The following ALG9 variants were observed in gnomAD, a reference collection of about 807,000 sequenced individuals.
ALG9 encodes the protein ALG9 alpha-1,2-mannosyltransferase, also known as alpha-1,2-mannosyltransferase ALG9.
Under a neutral mutation model 81.8 loss-of-function variants are expected in ALG9, and 55 were observed. That is an observed-to-expected ratio of 0.67 (90% confidence interval 0.54 to 0.84). ALG9 has a LOEUF of 0.84. Ranked by LOEUF, ALG9 falls within the 40% of genes least tolerant of loss-of-function variation. The pLI, the probability that ALG9 is intolerant of heterozygous loss-of-function variation, is 0.00. For missense variants in ALG9, 629 were observed against 745.0 expected, an observed-to-expected ratio of 0.84 and a Z score of 1.81; for synonymous variants, 278 against 274.3, an observed-to-expected ratio of 1.01 and a Z score of -0.13.
At chr11:111,827,129 T>G (rs1269120962) in intron 13 of ALG9, among the ~76,000 whole-genome samples, 1 of 152,236 alleles carries the variant, frequency 6.6e-6, no homozygotes, top group Admixed American at 6.5e-5. Context: ...TTTCTTTCAA[T>G]TCCTTCTTTT....
chr11:111,865,272 G>C, intron 3 of ALG9, 21 bp from the exon 4 acceptor site: 7 of 1,539,404 alleles, frequency 4.5e-6, no homozygotes, highest in Non-Finnish European at 6.2e-6. Flanking sequence ...CCCAGAAAAA[G>C]AAAACAGAAG....
At chr11:111,851,351 C>T (rs910706642) in intron 8 of ALG9, among the ~76,000 whole-genome samples, 2 of 151,852 alleles carry the variant, frequency 1.3e-5, no homozygotes, top group African/African-American at 4.8e-5. Flanking sequence ...TGGTGGCGGG[C>T]GCCTATAATT....
chr11:111,790,479 T>A (rs1288169035), intron 14 of ALG9, among the ~76,000 whole-genome samples: 1 of 151,988 alleles, frequency 6.6e-6, no homozygotes, highest in Non-Finnish European at 1.5e-5. Flanking sequence ...AATAAAAAAA[T>A]TTAAAAAATA....
At chr11:111,850,354 T>A (rs1555136423) in intron 8 of ALG9, among the ~76,000 whole-genome samples, 1 of 152,096 alleles carries the variant, frequency 6.6e-6, no homozygotes, top group Non-Finnish European at 1.5e-5. Flanking sequence ...ACTCCTAAGA[T>A]GGAAGAAGTA....
chr11:111,832,967 G>A (rs1473029202), intron 13 of ALG9, among the ~76,000 whole-genome samples: 7 of 152,136 alleles, frequency 4.6e-5, no homozygotes, highest in Admixed American at 1.3e-4. Context: ...AGGAATTTGA[G>A]GTTACAGTGA....
At chr11:111,825,187 G>A (rs189864097) in intron 13 of ALG9, among the ~76,000 whole-genome samples, 1 of 152,252 alleles carries the variant, frequency 6.6e-6, no homozygotes, top group East Asian at 1.9e-4. Context: ...ACAAGGTTTG[G>A]GGAGGCCTCT....
the ALG9 span, among the ~76,000 whole-genome samples, chr11:111,776,459 G>A: frequency 1.3e-5 from 2 of 151,994 alleles, no homozygotes; most frequent in African/African-American, 2.4e-5. Context: ...GCGTGGTGGC[G>A]TACCTGTAAT....
intron 14 of ALG9, chr11:111,788,320 T>A (rs782378765): frequency 9.1e-6 from 4 of 437,330 alleles, no homozygotes; most frequent in Non-Finnish European, 1.8e-5. Context: ...TCTGTAAGAT[T>A]CACTTCACTT....
intron 13 of ALG9, among the ~76,000 whole-genome samples, chr11:111,825,844 C>G (rs1953155197): frequency 6.6e-6 from 1 of 151,224 alleles, no homozygotes; most frequent in Admixed American, 6.6e-5. Context: ...AAACACCTGA[C>G]CTGAGGTCAG....
At chr11:111,830,936 C>G (rs1259112493) in intron 13 of ALG9, among the ~76,000 whole-genome samples, 2 of 152,088 alleles carry the variant, frequency 1.3e-5, no homozygotes, top group African/African-American at 4.8e-5. Flanking sequence ...TTTGGGAGGT[C>G]AAGGCAGAAG....
chr11:111,789,687 C>T (rs1947081265), intron 14 of ALG9, among the ~76,000 whole-genome samples: 1 of 150,826 alleles, frequency 6.6e-6, no homozygotes, highest in South Asian at 2.1e-4. Context: ...ACAAAAATAA[C>T]AGCGCGCCTG....
rs72334123 is a variant in ALG9, at chr11:111,820,920, G to GCGCA, written c.1603-11148_1603-11147insTGCG. 1.5e-3 allele frequency among the ~76,000 whole-genome samples: 224 copies of GCGCA among 146,360 alleles called. 1 individual carries two copies. The highest frequency in any genetic ancestry group is 5.3e-3 in the East Asian group (26 of 4,870). On this transcript the variant is annotated intron_variant, in intron 13 of 14. Coordinates refer to ENST00000616540, the MANE Select transcript of ALG9 (RefSeq NM_024740.2). ...TGAGACCCTGTCTCCAAACACGCGCGCACACACACACACACACACACACAC... is the reference window on the plus strand; with the variant it reads ...TGAGACCCTGTCTCCAAACACGCGCGCGCACACACACACACACACACACACACAC...
intron 2 of ALG9, among the ~76,000 whole-genome samples, chr11:111,868,938 T>C (rs1211292041): frequency 1.3e-5 from 2 of 150,330 alleles, no homozygotes; most frequent in Non-Finnish European, 3.0e-5. Flanking sequence ...CTGGGCAACA[T>C]AGCAAAACCC....
chr11:111,848,697 T>A lies in ALG9; in HGVS notation c.896-3974A>T, dbSNP rs149400192. ...AATCATCTTGCTCATGTCTGAATAG[T>A]TTCTACCTAAAATCCAACCAATGCT... On this transcript the variant is annotated intron_variant, in intron 8 of 14. Coordinates refer to ENST00000616540, the MANE Select transcript of ALG9 (RefSeq NM_024740.2). Among the ~76,000 whole-genome samples the A allele has an allele frequency of 3.3e-4, 51 of 152,248 alleles. No individual in the cohort carries two copies. The East Asian group carries it at 7.3e-3, about 22-fold the overall frequency.
intron 13 of ALG9, among the ~76,000 whole-genome samples, chr11:111,825,868 G>C (rs1047174770): frequency 6.6e-6 from 1 of 151,630 alleles, no homozygotes; most frequent in African/African-American, 2.4e-5. Context: ...TTTGAGACCA[G>C]CCTAACCAAC....
chr11:111,837,079 G>C (rs1955426865), intron 12 of ALG9, among the ~76,000 whole-genome samples: 1 of 152,178 alleles, frequency 6.6e-6, no homozygotes, highest in African/African-American at 2.4e-5. Context: ...ACTACTGTTG[G>C]GTCAAGAATG....
rs1946101899 is a variant in ALG9 at position 111,783,207 on chromosome 11, A to C, written c.*3190T>G. ...TGCGGTGGCTCATGCCTGTAATCCT[A>C]GCACTTTAGGAGGCCGAGGCGGGAT... On this transcript the variant is annotated 3_prime_UTR_variant, in exon 15 of 15. Coordinates refer to ENST00000616540, the MANE Select transcript of ALG9 (RefSeq NM_024740.2). 2 of 152,392 alleles carry C rather than the reference A, an allele frequency of 1.3e-5. No homozygotes were observed. Among genetic ancestry groups the C allele is most frequent in the Non-Finnish European group, 2.9e-5 (2 of 68,102 alleles). 9.4% of individuals were successfully genotyped at this position (152,392 alleles called of 1,614,324 possible).
At chr11:111,827,013 G>A (rs782812453) in intron 13 of ALG9, among the ~76,000 whole-genome samples, 2 of 151,864 alleles carry the variant, frequency 1.3e-5, no homozygotes, top group Non-Finnish European at 2.9e-5. Context: ...TTTCCTGATT[G>A]TTCTCTTTTA....
At chr11:111,796,006 G>A (rs1434709438) in intron 14 of ALG9, among the ~76,000 whole-genome samples, 7 of 152,076 alleles carry the variant, frequency 4.6e-5, no homozygotes, top group South Asian at 4.2e-4. Context: ...CCTGCTCTTC[G>A]GACCCTCATT....
Sources: gnomAD v4.1 joint callset for allele counts (sites outside exome capture counted in the v4.1 genomes callset) on GRCh38, gnomAD v4.1.1 for gene constraint, MANE v1.5 for transcripts, NCBI Gene and HGNC (gene_info 2026-07-23, HGNC 2026-07-21) for gene names.